CACNA1A: variants seen among roughly 807,000 people sequenced by gnomAD.
CACNA1A encodes the protein calcium voltage-gated channel subunit alpha1 A.
CACNA1A carries 57 observed loss-of-function variants against 262.4 expected under a neutral mutation model. The ratio of observed to expected loss-of-function variants is 0.22; its 90% CI spans 0.18 to 0.27. The LOEUF (loss-of-function observed/expected upper bound fraction) is 0.27, where lower values mean the gene tolerates loss of function less well. Among genes scored for constraint, CACNA1A ranks in the 10% least tolerant of loss-of-function variants. The pLI, the probability that CACNA1A is intolerant of heterozygous loss-of-function variation, is 1.00. For synonymous variants in CACNA1A, 1,431 were observed against 1,419.3 expected (o/e 1.01, Z -0.18); for missense variants, 2,526 against 3,562.8 (o/e 0.71, Z 7.41).
chr19:13,223,993 C>A (rs1396361357), intron 38 of CACNA1A, among the ~76,000 whole-genome samples: 1 of 152,104 alleles, frequency 6.6e-6, no homozygotes, highest in African/African-American at 2.4e-5. Flanking sequence ...TGATGAAACC[C>A]CATCTCTATA....
chr19:13,377,190 G>A (rs994207300), intron 3 of CACNA1A, among the ~76,000 whole-genome samples: 3 of 151,638 alleles, frequency 2.0e-5, no homozygotes, highest in Non-Finnish European at 2.9e-5. Context: ...TTGAACTCCC[G>A]ACCTCAGGTG....
Position 13,298,791 on chromosome 19 carries a change from G to A in CACNA1A, c.2842C>T (p.Arg948Cys), listed in dbSNP as rs16978975. ...GSRESRSGSP[R>C]TGADGEHRRH... Reference sequence around the variant, plus strand: ...CGATGCTCCCCGTCCGCGCCCGTGCGCGGGGACCCGCTGCGGCTCTCCCTG... The same window carrying A: ...CGATGCTCCCCGTCCGCGCCCGTGCACGGGGACCCGCTGCGGCTCTCCCTG... The change falls in exon 19 of 47, where the codon CGC (arginine) becomes TGC (cysteine). Residue 948 changes from arginine to cysteine, a missense_variant. Coordinates refer to ENST00000360228, the MANE Select transcript of CACNA1A (RefSeq NM_001127222.2). 2.6e-6 allele frequency: 4 copies of A among 1,542,560 alleles called. No homozygotes were observed. The highest frequency in any genetic ancestry group is 2.1e-4 in the Middle Eastern group (1 of 4,834).
chr19:13,389,457 C>A (rs546534986), intron 3 of CACNA1A, among the ~76,000 whole-genome samples: 54 of 152,270 alleles, frequency 3.5e-4, no homozygotes, highest in Non-Finnish European at 6.6e-4. Flanking sequence ...GGTGCTGGAC[C>A]TCACTGGACT....
At chr19:13,268,502 C>T (rs1198949951) in intron 24 of CACNA1A, among the ~76,000 whole-genome samples, 2 of 149,902 alleles carry the variant, frequency 1.3e-5, no homozygotes, top group South Asian at 2.1e-4. Flanking sequence ...GGCAAGATCT[C>T]GGCTCACTGC....
chr19:13,387,097 G>A (rs917381824), intron 3 of CACNA1A, among the ~76,000 whole-genome samples: 3 of 151,844 alleles, frequency 2.0e-5, no homozygotes, highest in East Asian at 2.0e-4. Flanking sequence ...GACTACAGGC[G>A]TGCGCCACCA....
chr19:13,441,770 G>A (rs188184094), intron 3 of CACNA1A, among the ~76,000 whole-genome samples: 54 of 152,188 alleles, frequency 3.5e-4, no homozygotes, highest in African/African-American at 1.2e-3. Context: ...TCCCTGCCCT[G>A]GTGAGAGGAG....
At chr19:13,415,026 C>G (rs976548324) in intron 3 of CACNA1A, among the ~76,000 whole-genome samples, 1 of 152,000 alleles carries the variant, frequency 6.6e-6, no homozygotes, top group Non-Finnish European at 1.5e-5. Context: ...CCATGTAGGA[C>G]AGCTGGTTAC....
intron 37 of CACNA1A, 44 bp downstream of exon 37, chr19:13,227,387 A>G: frequency 1.0e-6 from 1 of 973,058 alleles, no homozygotes; most frequent in Non-Finnish European, 1.6e-6. Flanking sequence ...AGAAGAAAAA[A>G]AAACCCAGTG....
chr19:13,458,134 C>G (rs2061049297), intron 1 of CACNA1A, among the ~76,000 whole-genome samples: 1 of 152,034 alleles, frequency 6.6e-6, no homozygotes, highest in South Asian at 2.1e-4. Flanking sequence ...CTCCCCTCCC[C>G]TCTCCTTTCT....
At chr19:13,333,130 C>T (rs983795613) in intron 8 of CACNA1A, among the ~76,000 whole-genome samples, 4 of 152,116 alleles carry the variant, frequency 2.6e-5, no homozygotes, top group Non-Finnish European at 5.9e-5. Context: ...CTCCCCACCT[C>T]GCGCAAAATA....
At chr19:13,232,072 C>T (rs2055682033) in intron 34 of CACNA1A, among the ~76,000 whole-genome samples, 1 of 152,134 alleles carries the variant, frequency 6.6e-6, no homozygotes, top group Non-Finnish European at 1.5e-5. Flanking sequence ...TGAAAAAATA[C>T]CAATGCCCGT....
chr19:13,473,651 T>C (rs990114359), intron 1 of CACNA1A, among the ~76,000 whole-genome samples: 1 of 152,200 alleles, frequency 6.6e-6, no homozygotes, highest in Non-Finnish European at 1.5e-5. Context: ...CTTCTTTTCC[T>C]GTTACAAGTT....
intron 1 of CACNA1A, among the ~76,000 whole-genome samples, chr19:13,470,589 T>G (rs2061331354): frequency 6.6e-6 from 1 of 152,214 alleles, no homozygotes; most frequent in Admixed American, 6.5e-5. Context: ...TTTCGATGTA[T>G]TTTGCCATTC....
At chr19:13,276,954 T>C in intron 23 of CACNA1A, 115 bp downstream of exon 23, 2 of 672,410 alleles carry the variant, frequency 3.0e-6, no homozygotes, top group South Asian at 1.5e-5. Flanking sequence ...TCAAGTGATC[T>C]GCCTGCCTCA....
intron 38 of CACNA1A, among the ~76,000 whole-genome samples, chr19:13,223,508 C>T (rs2055313908): frequency 6.6e-6 from 1 of 152,128 alleles, no homozygotes. Context: ...ATCTAAGCTG[C>T]CGCCCTGTCT....
intron 5 of CACNA1A, among the ~76,000 whole-genome samples, chr19:13,361,041 C>T (rs1181127127): frequency 2.0e-5 from 3 of 152,092 alleles, no homozygotes; most frequent in African/African-American, 4.8e-5. Flanking sequence ...AGCCTTCTTC[C>T]GACATCCATT....
intron 30 of CACNA1A, 65 bp downstream of exon 30, chr19:13,252,926 A>G: frequency 9.1e-7 from 1 of 1,099,812 alleles, no homozygotes; most frequent in Non-Finnish European, 1.4e-6. Flanking sequence ...ACCATCATCC[A>G]GGACCCATTG....
At chr19:13,325,044 T>C (rs1317482200) in intron 10 of CACNA1A, among the ~76,000 whole-genome samples, 2 of 151,754 alleles carry the variant, frequency 1.3e-5, no homozygotes, top group Non-Finnish European at 2.9e-5. Flanking sequence ...CCTCTTCTTC[T>C]TCCTCTTCCC....
At position 13,487,799 on chromosome 19, in the gene CACNA1A, C is replaced by T. The variant is rs148531312; in HGVS notation, c.293+18133G>A. 8.5e-5 allele frequency among the ~76,000 whole-genome samples: 13 copies of T among 152,116 alleles called. No individual in the cohort carries two copies. The East Asian group carries it at 2.5e-3, about 29-fold the overall frequency. ...CTATCAATCCAAGGCACTCGCTCAG[C>T]ATTTTGGGTTTCTTTCTTTTTTAGA... On this transcript the variant is annotated intron_variant, in intron 1 of 46. Transcript: ENST00000360228.
Sources: allele counts gnomAD v4.1 joint callset (sites outside exome capture counted in the v4.1 genomes callset), GRCh38; gene constraint gnomAD v4.1.1; transcripts MANE v1.5; gene names NCBI Gene and HGNC (gene_info 2026-07-23, HGNC 2026-07-21).